The following COG5 variants were observed in gnomAD, a reference collection of about 807,000 sequenced individuals.
COG5 encodes component of oligomeric golgi complex 5.
Under a neutral mutation model 110.4 loss-of-function variants are expected in COG5, and 86 were observed. The ratio of observed to expected loss-of-function variants is 0.78; its 90% confidence interval spans 0.65 to 0.93. The LOEUF is 0.93. Among genes scored for constraint, COG5 ranks in the 40% least tolerant of loss-of-function variants. The pLI, the probability that COG5 is intolerant of heterozygous loss-of-function variation, is 0.00. For synonymous variants in COG5, 360 were observed against 334.6 expected (o/e 1.08, Z -0.83); for missense variants, 1,077 against 987.0 (o/e 1.09, Z -1.22).
chr7:107,335,883 A>G (rs1170872547), intron 10 of COG5, among the ~76,000 whole-genome samples: 1 of 152,206 alleles, frequency 6.6e-6, no homozygotes, highest in East Asian at 1.9e-4. Context: ...AGATCACTAC[A>G]TAATGAGAAA....
intron 6 of COG5, among the ~76,000 whole-genome samples, chr7:107,451,966 GATTA>G (rs745596748): frequency 1.3e-5 from 2 of 152,058 alleles, no homozygotes; most frequent in Admixed American, 6.5e-5. Flanking sequence ...ATTGTTCAAG[GATTA>G]ATTATGTACA....
intron 10 of COG5, among the ~76,000 whole-genome samples, chr7:107,346,193 T>G (rs1052410907): frequency 6.6e-6 from 1 of 152,208 alleles, no homozygotes; most frequent in Non-Finnish European, 1.5e-5. Flanking sequence ...TTTTTATACA[T>G]CAAGAACAAA....
intron 19 of COG5, among the ~76,000 whole-genome samples, chr7:107,226,886 G>C (rs1219686585): frequency 2.0e-5 from 3 of 152,154 alleles, no homozygotes. Context: ...ATGGTATATA[G>C]AAAAATACCT....
chr7:107,203,477 G>T lies in COG5; in HGVS notation c.*39C>A, dbSNP rs1490659651. ...TGTGTTTAACTGCCAACTATGAATGGGTTAGCACAAAGTGGAGATGAACAA... is the reference window on the plus strand; with the variant it reads ...TGTGTTTAACTGCCAACTATGAATGTGTTAGCACAAAGTGGAGATGAACAA... On this transcript the variant is annotated 3_prime_UTR_variant, in exon 22 of 22. Transcript: ENST00000297135. 2 of 1,361,918 alleles carry T rather than the reference G, an allele frequency of 1.5e-6. No homozygotes were observed. Among genetic ancestry groups the T allele is most frequent in the Non-Finnish European group, 2.1e-6 (2 of 950,276 alleles). The allele number at this position is 1,361,918 out of a possible 1,614,324, so 84.4% of individuals were successfully genotyped here.
At chr7:107,514,831 G>GT (rs1321558607) in intron 6 of COG5, among the ~76,000 whole-genome samples, 8 of 152,050 alleles carry the variant, frequency 5.3e-5, no homozygotes, top group Non-Finnish European at 7.4e-5. Context: ...AATGACCAAA[G>GT]TTTTTTTTAT....
intron 5 of COG5, among the ~76,000 whole-genome samples, chr7:107,542,768 G>C (rs925425687): frequency 6.6e-6 from 1 of 151,986 alleles, no homozygotes; most frequent in African/African-American, 2.4e-5. Context: ...TCAGGAGTTC[G>C]AGACCAGCTT....
At chr7:107,399,652 GTCTTTATAGC>G (rs1185731715) in intron 7 of COG5, among the ~76,000 whole-genome samples, 1 of 152,124 alleles carries the variant, frequency 6.6e-6, no homozygotes, top group Non-Finnish European at 1.5e-5. Context: ...TCGTGGGTAC[GTCTTTATAGC>G]AGTGTGAAAA....
intron 12 of COG5, among the ~76,000 whole-genome samples, chr7:107,287,447 C>T (rs1195277745): frequency 6.6e-6 from 1 of 152,160 alleles, no homozygotes; most frequent in Non-Finnish European, 1.5e-5. Context: ...ACACAAGTGA[C>T]TCCATGTCGA....
intron 10 of COG5, among the ~76,000 whole-genome samples, chr7:107,355,698 T>C (rs1584721184): frequency 6.6e-6 from 1 of 152,152 alleles, no homozygotes; most frequent in East Asian, 1.9e-4. Flanking sequence ...ATAATTCCAA[T>C]TACATGACAT....
intron 13 of COG5, among the ~76,000 whole-genome samples, chr7:107,283,362 T>C (rs1053396078): frequency 1.3e-5 from 2 of 152,210 alleles, no homozygotes; most frequent in African/African-American, 4.8e-5. Flanking sequence ...AGACTGTTTT[T>C]AGACTATATT....
At chr7:107,558,822 A>G (rs1316057647) in intron 1 of COG5, among the ~76,000 whole-genome samples, 1 of 141,428 alleles carries the variant, frequency 7.1e-6, no homozygotes, top group Non-Finnish European at 1.5e-5. Flanking sequence ...CGGGAGGCGG[A>G]GCTTGCAGTG....
At chr7:107,405,093 C>T (rs1158539716) in intron 7 of COG5, among the ~76,000 whole-genome samples, 2 of 152,090 alleles carry the variant, frequency 1.3e-5, no homozygotes, top group Non-Finnish European at 2.9e-5. Flanking sequence ...ACTGCTTGGT[C>T]TTACTAAAGA....
chr7:107,329,301 AAAGTCCTTGGG>A (rs1810037982), intron 10 of COG5, among the ~76,000 whole-genome samples: 1 of 152,188 alleles, frequency 6.6e-6, no homozygotes, highest in Non-Finnish European at 1.5e-5. Flanking sequence ...AAGGATGTGA[AAAGTCCTTGGG>A]AGACATAAAG....
At chr7:107,233,845 C>T (rs1483686918) in intron 18 of COG5, among the ~76,000 whole-genome samples, 1 of 152,016 alleles carries the variant, frequency 6.6e-6, no homozygotes, top group Non-Finnish European at 1.5e-5. Flanking sequence ...GACTGACCCT[C>T]GAAAAACACT....
chr7:107,353,843 T>C (rs1447738310), intron 10 of COG5, among the ~76,000 whole-genome samples: 1 of 151,582 alleles, frequency 6.6e-6, no homozygotes, highest in Non-Finnish European at 1.5e-5. Context: ...TAGTAAAGCA[T>C]TACAGAATCC....
intron 19 of COG5, 59 bp from the exon 20 acceptor site, chr7:107,211,284 T>C: frequency 3.2e-6 from 5 of 1,575,518 alleles, no homozygotes; most frequent in Non-Finnish European, 3.5e-6. Context: ...GGTGATTTGG[T>C]GGGAGAATCA....
chr7:107,252,883 C>G (rs1423207454), intron 16 of COG5, among the ~76,000 whole-genome samples: 2 of 151,942 alleles, frequency 1.3e-5, no homozygotes, highest in African/African-American at 2.4e-5. Context: ...AAATAGAAAA[C>G]TAAGAATAGA....
At chr7:107,388,697 T>A (rs1313472862) in intron 7 of COG5, among the ~76,000 whole-genome samples, 1 of 152,186 alleles carries the variant, frequency 6.6e-6, no homozygotes, top group Non-Finnish European at 1.5e-5. Context: ...CATGGAAAGA[T>A]GTGAACAGTA....
At chr7:107,361,720 C>A (rs1208790774) in intron 10 of COG5, among the ~76,000 whole-genome samples, 1 of 152,164 alleles carries the variant, frequency 6.6e-6, no homozygotes, top group Non-Finnish European at 1.5e-5. Context: ...TGCCACCACG[C>A]CCGGCTAATT....
Sources: allele counts gnomAD v4.1 joint callset (sites outside exome capture counted in the v4.1 genomes callset), GRCh38; gene constraint gnomAD v4.1.1; transcripts MANE v1.5; gene names NCBI Gene and HGNC (gene_info 2026-07-23, HGNC 2026-07-21).